The following GPR39 variants were observed in gnomAD, a reference collection of about 807,000 sequenced individuals.
GPR39 encodes G protein-coupled receptor 39, also known as zinc sensing receptor.
In GPR39, 23 loss-of-function variants were observed where a neutral mutation model predicts 18.4. That is an observed-to-expected ratio of 1.25 (90% confidence interval 0.90 to 1.77). The LOEUF (loss-of-function observed/expected upper bound fraction) is 1.77, where lower values mean the gene tolerates loss of function less well. Among genes scored for constraint, GPR39 ranks in the 40% most tolerant of loss-of-function variants. GPR39 has a pLI of 0.00. For missense variants in GPR39, 647 were observed against 602.4 expected (o/e 1.07, Z -0.78); for synonymous variants, 280 against 257.9 (o/e 1.09, Z -0.82).
chr2:132,417,874 A>G lies in GPR39; in HGVS notation c.832A>G (p.Arg278Gly). 1 of 1,596,812 alleles carries G rather than the reference A, an allele frequency of 6.3e-7. No individual in the cohort carries two copies. The highest frequency in any genetic ancestry group is 8.5e-7 in the Non-Finnish European group (1 of 1,173,370). Residue 278 changes from arginine (R) to glycine (G), a missense_variant, in exon 1 of 2, where the codon AGG becomes GGG. By Grantham distance (125) the Arg-to-Gly change is moderately radical. Transcript: ENST00000329321. Reference sequence around the variant, plus strand: ...CGAGAGCGAAGAGAGCAGGACCGCCAGGAGGCAGACCATCATCTTCCTGAG... The same window carrying G: ...CGAGAGCGAAGAGAGCAGGACCGCCGGGAGGCAGACCATCATCTTCCTGAG... ...KSESEESRTARRQTIIFLRLI... is the reference protein window; with the variant it reads ...KSESEESRTAGRQTIIFLRLI...
intron 1 of GPR39, among the ~76,000 whole-genome samples, chr2:132,453,937 T>C (rs1289728525): frequency 6.6e-6 from 1 of 152,242 alleles, no homozygotes; most frequent in Non-Finnish European, 1.5e-5. Flanking sequence ...TTTGTTCCTT[T>C]GGCTTAGGAT....
intron 1 of GPR39, among the ~76,000 whole-genome samples, chr2:132,518,184 A>G (rs1679366261): frequency 6.6e-6 from 1 of 152,218 alleles, no homozygotes; most frequent in Non-Finnish European, 1.5e-5. Context: ...TTCTTGGTCA[A>G]TAATCATAAT....
At chr2:132,491,528 AG>A (rs1347000374) in intron 1 of GPR39, among the ~76,000 whole-genome samples, 1 of 151,980 alleles carries the variant, frequency 6.6e-6, no homozygotes, top group Admixed American at 6.6e-5. Context: ...ATAGGGGAAT[AG>A]GGGTGTAGGA....
intron 1 of GPR39, among the ~76,000 whole-genome samples, chr2:132,643,856 G>A (rs1326114535): frequency 2.6e-5 from 4 of 152,192 alleles, no homozygotes; most frequent in African/African-American, 9.7e-5. Flanking sequence ...TGGGTCATAG[G>A]CAGGAAGCAT....
chr2:132,542,163 G>T (rs1679871782), intron 1 of GPR39, among the ~76,000 whole-genome samples: 1 of 152,084 alleles, frequency 6.6e-6, no homozygotes, highest in Non-Finnish European at 1.5e-5. Context: ...TATAGCAGGT[G>T]GACAGGAAGA....
chr2:132,524,032 A>G (rs1390481318), intron 1 of GPR39: 1 of 152,680 alleles, frequency 6.5e-6, no homozygotes, highest in Non-Finnish European at 1.5e-5. Context: ...CTGAATCAGA[A>G]ACTGGGAGTG....
intron 1 of GPR39, among the ~76,000 whole-genome samples, chr2:132,605,178 G>A (rs556899047): frequency 1.3e-5 from 2 of 152,270 alleles, no homozygotes; most frequent in Non-Finnish European, 2.9e-5. Flanking sequence ...GCCTATCACC[G>A]TTAGGCTGTT....
intron 1 of GPR39, among the ~76,000 whole-genome samples, chr2:132,622,905 A>G (rs1188258699): frequency 6.6e-6 from 1 of 152,172 alleles, no homozygotes; most frequent in Non-Finnish European, 1.5e-5. Flanking sequence ...CAAGGTCAGG[A>G]GTTCAAGAGC....
At chr2:132,624,546 A>G (rs549210057) in intron 1 of GPR39, among the ~76,000 whole-genome samples, 1 of 152,354 alleles carries the variant, frequency 6.6e-6, no homozygotes, top group South Asian at 2.1e-4. Flanking sequence ...ACATAACCAG[A>G]TGACTAGTAC....
Position 132,646,069 on chromosome 2 carries a change from T to C in GPR39, c.*463T>C, listed in dbSNP as rs1440738621. 17 of 1,588,448 alleles carry C rather than the reference T, an allele frequency of 1.1e-5. No individual in the cohort carries two copies. Among genetic ancestry groups the C allele is most frequent in the Non-Finnish European group, 1.5e-5 (17 of 1,165,984 alleles). Reference sequence around the variant, plus strand: ...TTCAGCAGTGTGCCGAGAAGAGGGCTAATTTGAGGAACAGGATGGTGGTGC... The same window carrying C: ...TTCAGCAGTGTGCCGAGAAGAGGGCCAATTTGAGGAACAGGATGGTGGTGC... On this transcript the variant is annotated 3_prime_UTR_variant, in exon 2 of 2. Coordinates refer to ENST00000329321, the MANE Select transcript of GPR39 (RefSeq NM_001508.3).
chr2:132,576,759 T>C (rs1006270948), intron 1 of GPR39, among the ~76,000 whole-genome samples: 1 of 152,212 alleles, frequency 6.6e-6, no homozygotes, highest in Admixed American at 6.5e-5. Flanking sequence ...TGCAAGTCTG[T>C]GATCCATTTT....
chr2:132,449,489 C>T (rs982350607), intron 1 of GPR39, among the ~76,000 whole-genome samples: 14 of 152,114 alleles, frequency 9.2e-5, no homozygotes, highest in South Asian at 4.2e-4. Flanking sequence ...CCTCGTGATC[C>T]GCCTGCCTCA....
Position 132,422,588 on chromosome 2 carries a change from CTT to C in GPR39, c.856+4692_856+4693del, listed in dbSNP as rs901002717. Among the ~76,000 whole-genome samples the C allele has an allele frequency of 2.2e-4, 33 of 151,948 alleles. 1 individual carries two copies. Among genetic ancestry groups the C allele is most frequent in the African/African-American group, 7.5e-4 (31 of 41,288 alleles). ...ATATGAAAGGATATGTCAACACAGT[CTT>C]TGAGGGAAATACCATCAACATTAAA... On this transcript the variant is annotated intron_variant, in intron 1 of 1. Transcript: ENST00000329321.
chr2:132,633,949 G>A (rs994708588), intron 1 of GPR39, among the ~76,000 whole-genome samples: 1 of 144,256 alleles, frequency 6.9e-6, no homozygotes, highest in Non-Finnish European at 1.5e-5. Flanking sequence ...GTTGGTAGAG[G>A]TGGAGGCAGT....
At chr2:132,516,661 C>T (rs1370088960) in intron 1 of GPR39, among the ~76,000 whole-genome samples, 1 of 152,134 alleles carries the variant, frequency 6.6e-6, no homozygotes, top group East Asian at 1.9e-4. Context: ...ACAGTTACCT[C>T]CTAGGTAAAG....
At chr2:132,632,197 T>C (rs1681662530) in intron 1 of GPR39, among the ~76,000 whole-genome samples, 1 of 152,156 alleles carries the variant, frequency 6.6e-6, no homozygotes, top group African/African-American at 2.4e-5. Context: ...AAGTTCTTGC[T>C]TTCCATAAAG....
chr2:132,512,372 C>T (rs1210249396), intron 1 of GPR39, among the ~76,000 whole-genome samples: 1 of 152,104 alleles, frequency 6.6e-6, no homozygotes, highest in Admixed American at 6.5e-5. Flanking sequence ...GATGAGGGCA[C>T]TGAAAAGGAT....
intron 1 of GPR39, among the ~76,000 whole-genome samples, chr2:132,615,936 CT>C (rs35978559): frequency 0.19 from 25,267 of 133,972 alleles, 2,322 homozygotes; most frequent in East Asian, 0.42. Context: ...CATTCCAGCT[CT>C]TTTTTTTTTT....
chr2:132,571,039 C>A (rs1444389715), intron 1 of GPR39, among the ~76,000 whole-genome samples: 2 of 152,190 alleles, frequency 1.3e-5, no homozygotes, highest in African/African-American at 4.8e-5. Flanking sequence ...GGAGCTCGAA[C>A]ATGTTTACTG....
Sources: allele counts gnomAD v4.1 joint callset (sites outside exome capture counted in the v4.1 genomes callset), GRCh38; gene constraint gnomAD v4.1.1; transcripts MANE v1.5; gene names NCBI Gene and HGNC (gene_info 2026-07-23, HGNC 2026-07-21).